Variants in PNPLA4 observed in about 807,000 individuals in gnomAD.
PNPLA4 encodes patatin-like phospholipase domain-containing protein 4.
In PNPLA4, 15 loss-of-function variants were observed where a neutral mutation model predicts 18.3. The ratio of observed to expected loss-of-function variants is 0.82; its 90% CI spans 0.55 to 1.26. The LOEUF (loss-of-function observed/expected upper bound fraction) is 1.26. Among genes scored for constraint, PNPLA4 ranks in the 50% most tolerant of loss-of-function variants. The pLI is 0.00. For missense variants in PNPLA4, 229 were observed against 196.8 expected, an observed-to-expected ratio of 1.16 and a Z score of -0.98; for synonymous variants, 88 against 85.6, an observed-to-expected ratio of 1.03 and a Z score of -0.16.
rs1322841014 is a variant in PNPLA4 at position 7,898,825 on chromosome X, G to C, written c.*1861C>G. ...CACAGGGTCAAATACATATGTAGTC[G>C]ATACAAGATACTTCAAAAAAGTCTT... On this transcript the variant is annotated 3_prime_UTR_variant, in exon 7 of 7. Transcript: ENST00000381042. The C allele has an allele frequency of 9.0e-6, 1 of 111,344 alleles. No homozygotes were observed. Among genetic ancestry groups the C allele is most frequent in the Admixed American group, 9.5e-5 (1 of 10,506 alleles). 9.2% of individuals were successfully genotyped at this position (111,344 alleles called of 1,213,427 possible).
intron 4 of PNPLA4, among the ~76,000 whole-genome samples, chrX:7,915,249 G>T (rs1299621441): frequency 9.8e-6 from 1 of 101,631 alleles, no homozygotes; most frequent in African/African-American, 3.6e-5. Context: ...TCAACTGGAG[G>T]TGATTTTACC....
intron 6 of PNPLA4, 144 bp from the exon 7 acceptor site, chrX:7,900,961 A>T: frequency 4.5e-6 from 2 of 445,900 alleles, no homozygotes; most frequent in Non-Finnish European, 7.5e-6. Flanking sequence ...TTCAGAAGTT[A>T]CCTCCACTGA....
rs773329914 is a variant in PNPLA4 at position 7,901,850 on chromosome X, T to C, written c.630+139A>G. Reference sequence around the variant, plus strand: ...ATGGCTGATACATGTTATAAAGTATTAAACAACACACTAAGGAGAAGATGC... The same window carrying C: ...ATGGCTGATACATGTTATAAAGTATCAAACAACACACTAAGGAGAAGATGC... On this transcript the variant is annotated intron_variant, in intron 6 of 6. Coordinates refer to ENST00000381042, the MANE Select transcript of PNPLA4 (RefSeq NM_004650.3). 117 of 577,143 alleles carry C rather than the reference T, an allele frequency of 2.0e-4. No individual in the cohort carries two copies. In the Middle Eastern group the frequency reaches 2.6e-3, roughly 13 times the overall value. 47.6% of individuals were successfully genotyped at this position (577,143 alleles called of 1,213,427 possible).
chrX:7,904,856 C>A (rs763787768), intron 5 of PNPLA4, among the ~76,000 whole-genome samples: 3 of 111,233 alleles, frequency 2.7e-5, no homozygotes, highest in African/African-American at 9.9e-5. Context: ...CTGGTCTACC[C>A]CGTTAGAGTT....
chrX:7,917,876 G>A (rs1223366210), intron 4 of PNPLA4, among the ~76,000 whole-genome samples: 4 of 111,766 alleles, frequency 3.6e-5, no homozygotes, highest in Admixed American at 2.9e-4. Context: ...TAAGCTACAG[G>A]TTTCTAGTTG....
intron 5 of PNPLA4, among the ~76,000 whole-genome samples, chrX:7,907,024 C>CT (rs1169361980): frequency 2.1e-4 from 22 of 107,171 alleles, no homozygotes; most frequent in African/African-American, 4.1e-4. Context: ...CTTTTCTTTT[C>CT]TTTTTTTTTT....
intron 5 of PNPLA4, among the ~76,000 whole-genome samples, chrX:7,907,238 C>T (rs1271395020): frequency 9.0e-6 from 1 of 111,332 alleles, no homozygotes; most frequent in Non-Finnish European, 1.9e-5. Flanking sequence ...AGGCTGGTCT[C>T]GAACTCCTGA....
rs1211873626 is a variant in PNPLA4 at position 7,900,618 on chromosome X, G to T, written c.*68C>A. 4 of 735,982 alleles carry T rather than the reference G, an allele frequency of 5.4e-6. No individual in the cohort carries two copies. Among genetic ancestry groups the T allele is most frequent in the Non-Finnish European group, 7.8e-6 (4 of 515,619 alleles). 60.7% of individuals were successfully genotyped at this position (735,982 alleles called of 1,213,427 possible). Reference sequence around the variant, plus strand: ...TGAGTCATGATAGATTTTCTAAAAAGGATTTGATTAGAAACTTCCATCAAA... The same window carrying T: ...TGAGTCATGATAGATTTTCTAAAAATGATTTGATTAGAAACTTCCATCAAA... On this transcript the variant is annotated 3_prime_UTR_variant, in exon 7 of 7. Transcript: ENST00000381042.
At chrX:7,912,135 T>C (rs1278777707) in intron 4 of PNPLA4, 42 bp from the exon 5 acceptor site, 2 of 994,658 alleles carry the variant, frequency 2.0e-6, no homozygotes, top group Non-Finnish European at 2.8e-6. Context: ...ATTACAGGCA[T>C]GAACATTCAG....
At chrX:7,913,064 C>T (rs1208655619) in intron 4 of PNPLA4, among the ~76,000 whole-genome samples, 1 of 112,012 alleles carries the variant, frequency 8.9e-6, no homozygotes, top group Non-Finnish European at 1.9e-5. Flanking sequence ...CAGACTCAGT[C>T]ACCAGCATAA....
At chrX:7,902,375 T>A (rs957624688) in intron 5 of PNPLA4, among the ~76,000 whole-genome samples, 5 of 112,157 alleles carry the variant, frequency 4.5e-5, no homozygotes. Flanking sequence ...AAGACTTGAA[T>A]TCTTACTGAC....
intron 4 of PNPLA4, among the ~76,000 whole-genome samples, chrX:7,913,496 C>T (rs751740267): frequency 8.9e-6 from 1 of 111,953 alleles, no homozygotes; most frequent in Admixed American, 9.5e-5. Context: ...GCTTCTGGGG[C>T]CTCAGGTTTC....
Position 7,900,696 on chromosome X carries a change from C to T in PNPLA4, c.752G>A (p.Trp251Ter). ...AAACTTTTATGCATTTTATTCAAAC[C>T]AATTTTCTTTAAGTAAAAACTTAAC... ...DTVKFLLKEN[W>*]FE The change falls in exon 7 of 7, where the codon TGG becomes TAG. Residue 251 changes from tryptophan to a stop codon, truncating the protein, a stop_gained. Coordinates refer to ENST00000381042, the MANE Select transcript of PNPLA4 (RefSeq NM_004650.3). LOFTEE classifies it high-confidence loss of function. 2.6e-6 allele frequency: 3 copies of T among 1,146,426 alleles called. No individual in the cohort carries two copies. The highest frequency in any genetic ancestry group is 3.5e-6 in the Non-Finnish European group (3 of 850,270). The allele number at this position is 1,146,426 out of a possible 1,213,427, so 94.5% of individuals were successfully genotyped here. A position where few individuals can be genotyped will look rare whatever the true frequency, so the allele number is the denominator to read the frequency against.
chrX:7,902,292 C>T (rs1312919318), intron 5 of PNPLA4, 151 bp from the exon 6 acceptor site: 21 of 474,626 alleles, frequency 4.4e-5, no homozygotes, highest in Non-Finnish European at 6.4e-5. Flanking sequence ...GGGGGTAAAA[C>T]AAATCTTGGT....
rs1260686782 is a variant in PNPLA4 at position 7,899,861 on chromosome X, A to G, written c.*825T>C. ...TTATGGTTTGGCTGTGTCCCCACCC[A>G]AATCTCATCTTGAAGTGTATGTAGC... is the stretch of plus-strand genomic sequence containing the variant. On this transcript the variant is annotated 3_prime_UTR_variant, in exon 7 of 7. Transcript: ENST00000381042. 2 of 111,498 alleles carry G rather than the reference A, an allele frequency of 1.8e-5. No individual in the cohort carries two copies. Among genetic ancestry groups the G allele is most frequent in the Non-Finnish European group, 3.8e-5 (2 of 53,104 alleles). 9.2% of individuals were successfully genotyped at this position (111,498 alleles called of 1,213,427 possible).
intron 1 of PNPLA4, 80 bp from the exon 2 acceptor site, chrX:7,926,212 T>A (rs1177383210): frequency 1.5e-6 from 1 of 669,213 alleles, no homozygotes; most frequent in Non-Finnish European, 2.2e-6. Flanking sequence ...TGATCATCGT[T>A]CCAAGGCTTT....
At position 7,926,002 on chromosome X, in the gene PNPLA4, C is replaced by T. The variant is rs762497242; in HGVS notation, c.118G>A (p.Ala40Thr). The change falls in exon 2 of 7, where the codon GCT (alanine) becomes ACT (threonine). Residue 40 changes from alanine to threonine, a missense_variant. Physicochemically the swap from Ala to Thr is moderately conservative, Grantham distance 58. Coordinates refer to ENST00000381042, the MANE Select transcript of PNPLA4 (RefSeq NM_004650.3). ...KKLVKDVKAF[A>T]GASAGSLVAS... Reference sequence around the variant, plus strand: ...ACCAACGATCCCGCAGACGCCCCAGCGAAGGCTTTGACATCCTTCACAAGT... The same window carrying T: ...ACCAACGATCCCGCAGACGCCCCAGTGAAGGCTTTGACATCCTTCACAAGT... 6.6e-6 allele frequency: 8 copies of T among 1,210,373 alleles called. No individual in the cohort carries two copies. The African/African-American group carries it at 8.7e-5, about 13-fold the overall frequency.
rs1390347952 is a variant in PNPLA4, at chrX:7,923,442, A to T, written c.181-1344T>A. Reference sequence around the variant, plus strand: ...GAGCCTCTGGAGAGAGTGAGCATGGACATTTTGATTTTAGCTCAGTGAGAC... The same window carrying T: ...GAGCCTCTGGAGAGAGTGAGCATGGTCATTTTGATTTTAGCTCAGTGAGAC... On this transcript the variant is annotated intron_variant, in intron 2 of 6. Transcript: ENST00000381042. 3.6e-4 allele frequency among the ~76,000 whole-genome samples: 40 copies of T among 112,090 alleles called. No individual in the cohort carries two copies. In the Admixed American group the frequency reaches 3.6e-3, roughly 10 times the overall value.
chrX:7,907,278 C>T (rs1271979256), intron 5 of PNPLA4, among the ~76,000 whole-genome samples: 2 of 112,091 alleles, frequency 1.8e-5, no homozygotes, highest in Admixed American at 1.9e-4. Context: ...CTCAGCCTCC[C>T]AAAGTGCTAG....
Sources: allele counts gnomAD v4.1 joint callset (sites outside exome capture counted in the v4.1 genomes callset), GRCh38; gene constraint gnomAD v4.1.1; transcripts MANE v1.5; gene names NCBI Gene and HGNC (gene_info 2026-07-23, HGNC 2026-07-21).